The following VWA3B variants were observed in gnomAD, a reference collection of about 807,000 sequenced individuals.
The protein encoded by VWA3B is von Willebrand factor A domain containing 3B.
A neutral mutation model predicts 158.3 loss-of-function variants in VWA3B; 138 were observed. The observed-to-expected ratio is 0.87, with a 90% CI of 0.76 to 1.00. The LOEUF (loss-of-function observed/expected upper bound fraction) is 1.00, where lower values mean the gene tolerates loss of function less well. VWA3B is among the 50% of genes least tolerant of loss of function. VWA3B has a pLI of 0.00. For missense variants in VWA3B, 1,555 were observed against 1,565.1 expected, an observed-to-expected ratio of 0.99 and a Z score of 0.11; for synonymous variants, 596 against 587.3, an observed-to-expected ratio of 1.01 and a Z score of -0.21.
chr2:98,213,204 C>T (rs1016835980), intron 13 of VWA3B, among the ~76,000 whole-genome samples: 2 of 152,114 alleles, frequency 1.3e-5, no homozygotes, highest in Non-Finnish European at 2.9e-5. Context: ...GAGAAAAAAG[C>T]TGAGGACAGG....
At chr2:98,149,472 C>T (rs1677440363) in intron 7 of VWA3B, among the ~76,000 whole-genome samples, 1 of 152,196 alleles carries the variant, frequency 6.6e-6, no homozygotes, top group Non-Finnish European at 1.5e-5. Flanking sequence ...TTGATGTACA[C>T]CCCATGCAAA....
chr2:98,282,429 T>G (rs1039103752), intron 22 of VWA3B, among the ~76,000 whole-genome samples: 2 of 146,684 alleles, frequency 1.4e-5, no homozygotes, highest in African/African-American at 5.0e-5. Context: ...TAAACATGAA[T>G]TACTTTTTTT....
At chr2:98,248,883 CTCTCT>C (rs1686609068) in intron 19 of VWA3B, among the ~76,000 whole-genome samples, 6 of 22,454 alleles carry the variant, frequency 2.7e-4, no homozygotes, top group Non-Finnish European at 4.0e-4. Context: ...TTCTTTCTTT[CTCTCT>C]TTCCTTTCTT....
intron 9 of VWA3B, among the ~76,000 whole-genome samples, chr2:98,181,820 A>G (rs1680608551): frequency 6.6e-6 from 1 of 152,200 alleles, no homozygotes; most frequent in Non-Finnish European, 1.5e-5. Flanking sequence ...CATCATGCAT[A>G]TGAGTCAGTA....
intron 8 of VWA3B, among the ~76,000 whole-genome samples, chr2:98,169,715 CTGTGTGTGTG>C (rs61535424): frequency 0.12 from 15,606 of 134,256 alleles, 2,044 homozygotes; most frequent in African/African-American, 0.33. Flanking sequence ...CCTGGGCATT[CTGTGTGTGTG>C]TGTGTGTGTG....
chr2:98,179,113 T>C, intron 8 of VWA3B: 2 of 428,938 alleles, frequency 4.7e-6, no homozygotes, highest in Non-Finnish European at 9.6e-6. Context: ...TCTTTCATCC[T>C]ACCAAGCGGC....
chr2:98,289,466 T>G (rs62155280), intron 22 of VWA3B, among the ~76,000 whole-genome samples: 5,932 of 152,290 alleles, frequency 0.039, 170 homozygotes, highest in Middle Eastern at 0.075. Flanking sequence ...TGAAAGTTAT[T>G]TTCTCTCAGA....
At chr2:98,322,168 T>C in the VWA3B span, among the ~76,000 whole-genome samples, 1 of 152,208 alleles carries the variant, frequency 6.6e-6, no homozygotes, top group Admixed American at 6.5e-5. Context: ...TAATAAGACC[T>C]GGATAAATTT....
At chr2:98,154,986 G>A (rs1218724375) in intron 7 of VWA3B, among the ~76,000 whole-genome samples, 3 of 152,186 alleles carry the variant, frequency 2.0e-5, no homozygotes, top group Non-Finnish European at 4.4e-5. Flanking sequence ...CAGGTGTCAG[G>A]AAGGTACCAG....
chr2:98,116,133 A>G (rs1205528046), intron 3 of VWA3B, among the ~76,000 whole-genome samples: 1 of 152,220 alleles, frequency 6.6e-6, no homozygotes, highest in Non-Finnish European at 1.5e-5. Flanking sequence ...ACCACCTCTG[A>G]CCAGAGGCCT....
chr2:98,125,818 C>G lies in VWA3B; in HGVS notation c.703-2421C>G, dbSNP rs1012748206. On this transcript the variant is annotated intron_variant, in intron 5 of 27. Transcript: ENST00000477737. This position sits in a 1 kb window ranked among gnomAD's most constrained non-coding sequence, Gnocchi z 4.1. ...AGCTGGGACTACAGGCGCCTGCCACCACATCCGGCTAATTTTTCTGTATTT... is the reference window on the plus strand; with the variant it reads ...AGCTGGGACTACAGGCGCCTGCCACGACATCCGGCTAATTTTTCTGTATTT... Among the ~76,000 whole-genome samples the G allele has an allele frequency of 6.6e-6, 1 of 152,210 alleles. No individual in the cohort carries two copies. Among genetic ancestry groups the G allele is most frequent in the Non-Finnish European group, 1.5e-5 (1 of 68,040 alleles).
At chr2:98,113,070 G>A (rs1674268815) in intron 2 of VWA3B, among the ~76,000 whole-genome samples, 1 of 150,988 alleles carries the variant, frequency 6.6e-6, no homozygotes, top group African/African-American at 2.4e-5. Context: ...TAATGTTTAT[G>A]GTATTTATAG....
intron 14 of VWA3B, among the ~76,000 whole-genome samples, chr2:98,223,267 A>C (rs1684653326): frequency 6.6e-6 from 1 of 151,808 alleles, no homozygotes; most frequent in Non-Finnish European, 1.5e-5. Flanking sequence ...AGGTCAGAAC[A>C]ACAAAATTCA....
chr2:98,233,729 T>C (rs1685487931), intron 16 of VWA3B, among the ~76,000 whole-genome samples: 2 of 152,218 alleles, frequency 1.3e-5, no homozygotes, highest in Admixed American at 1.3e-4. Flanking sequence ...TACTAGCTAA[T>C]CTTCACTCTA....
At chr2:98,234,874 GC>G in intron 17 of VWA3B, 107 bp downstream of exon 17, 1 of 1,471,424 alleles carries the variant, frequency 6.8e-7, no homozygotes. Flanking sequence ...TTTTAAATGG[GC>G]CCAGATTGCT....
chr2:98,098,633 A>C (rs536484269), intron 2 of VWA3B, among the ~76,000 whole-genome samples: 1 of 152,232 alleles, frequency 6.6e-6, no homozygotes, highest in South Asian at 2.1e-4. Context: ...TGTAGGCAGC[A>C]TATAGGTGGA....
At chr2:98,123,443 G>A (rs1411229457) in intron 5 of VWA3B, among the ~76,000 whole-genome samples, 2 of 152,202 alleles carry the variant, frequency 1.3e-5, no homozygotes, top group Non-Finnish European at 2.9e-5. Context: ...TGCCCAGAGA[G>A]GCTCCTGGCC....
chr2:98,166,109 G>A (rs191176777), intron 8 of VWA3B, among the ~76,000 whole-genome samples: 1 of 152,292 alleles, frequency 6.6e-6, no homozygotes, highest in Middle Eastern at 3.4e-3. Flanking sequence ...GGCCAAGGAG[G>A]GTGGATCACC....
chr2:98,214,156 A>C (rs1046887977), intron 13 of VWA3B, among the ~76,000 whole-genome samples: 1 of 151,940 alleles, frequency 6.6e-6, no homozygotes, highest in Non-Finnish European at 1.5e-5. Flanking sequence ...GTGCTACTGC[A>C]CTCCAGCCTG....
Sources: allele counts gnomAD v4.1 joint callset (sites outside exome capture counted in the v4.1 genomes callset), GRCh38; gene constraint gnomAD v4.1.1; non-coding constraint Gnocchi (gnomAD v3.1); transcripts MANE v1.5; gene names NCBI Gene and HGNC (gene_info 2026-07-23, HGNC 2026-07-21).